Variants in MTUS2 observed in about 807,000 individuals in gnomAD.
MTUS2 encodes the protein microtubule-associated tumor suppressor candidate 2.
A neutral mutation model predicts 114.1 loss-of-function variants in MTUS2; 40 were observed. The observed-to-expected ratio is 0.35, with a 90% confidence interval of 0.27 to 0.46. MTUS2 has a LOEUF of 0.46. Ranked by LOEUF, MTUS2 falls within the 20% of genes least tolerant of loss-of-function variation. The probability of loss-of-function intolerance (pLI) is 1.00; values close to 1 mark genes in which losing one functional copy is unlikely to be tolerated. For synonymous variants in MTUS2, 688 were observed against 672.0 expected (o/e 1.02, Z -0.37); for missense variants, 1,679 against 1,705.4 (o/e 0.98, Z 0.27).
chr13:29,389,341 G>GTATACACGTGTGTATGTATGTATA (rs1566172446), intron 8 of MTUS2, among the ~76,000 whole-genome samples: 1 of 79,988 alleles, frequency 1.3e-5, no homozygotes, highest in Non-Finnish European at 2.3e-5. Context: ...ATATATGTAT[G>GTATACACGTGTGTATGTATGTATA]CACGTGTGTG....
At chr13:28,876,499 C>T (rs1405641293) in intron 2 of MTUS2, among the ~76,000 whole-genome samples, 2 of 152,180 alleles carry the variant, frequency 1.3e-5, no homozygotes, top group African/African-American at 4.8e-5. Context: ...AAGATGGCTG[C>T]AGCAGTTCCA....
At chr13:29,492,034 T>A (rs1408863812) in intron 11 of MTUS2, among the ~76,000 whole-genome samples, 4 of 84,514 alleles carry the variant, frequency 4.7e-5, no homozygotes, top group Non-Finnish European at 1.0e-4. Context: ...GTGTGTGTAG[T>A]GTGTGTGTAT....
Position 29,193,277 on chromosome 13 carries a change from G to T in MTUS2, c.2645-88427G>T, listed in dbSNP as rs1032305679. 3.3e-5 allele frequency among the ~76,000 whole-genome samples: 5 copies of T among 152,042 alleles called. 1 individual carries two copies. In the South Asian group the frequency reaches 1.0e-3, roughly 32 times the overall value. On this transcript the variant is annotated intron_variant, in intron 5 of 15. Coordinates refer to ENST00000612955, the MANE Select transcript of MTUS2 (RefSeq NM_001033602.4). ...GGGAGGACTCGAAAGGGGGAGAGTA[G>T]TAGTAAATATAGAACACACCATTCA... is the stretch of plus-strand genomic sequence containing the variant.
At chr13:29,047,702 A>G (rs1011789875) in intron 4 of MTUS2, among the ~76,000 whole-genome samples, 20 of 152,046 alleles carry the variant, frequency 1.3e-4, no homozygotes, top group Non-Finnish European at 1.9e-4. Flanking sequence ...TTTAGTAGAG[A>G]CGGGATTTCA....
chr13:29,074,931 G>C lies in MTUS2; in HGVS notation c.2447-25842G>C, dbSNP rs1889117066. Among the ~76,000 whole-genome samples, 10 of 152,222 alleles carry C rather than the reference G, an allele frequency of 6.6e-5. No individual in the cohort carries two copies. In the South Asian group the frequency reaches 2.1e-3, roughly 32 times the overall value. On this transcript the variant is annotated intron_variant, in intron 4 of 15. Coordinates refer to ENST00000612955, the MANE Select transcript of MTUS2 (RefSeq NM_001033602.4). ...CAAATATTTTAATCCTATCCACAGA[G>C]TTGTGCAACCATCACTACAGTAATT...
intron 4 of MTUS2, among the ~76,000 whole-genome samples, chr13:29,045,872 G>A (rs1887590663): frequency 6.6e-6 from 1 of 152,068 alleles, no homozygotes; most frequent in Non-Finnish European, 1.5e-5. Context: ...AATCATGGCA[G>A]GAACTATATT....
chr13:29,248,382 T>G (rs1426623844), intron 5 of MTUS2, among the ~76,000 whole-genome samples: 1 of 152,264 alleles, frequency 6.6e-6, no homozygotes, highest in East Asian at 1.9e-4. Flanking sequence ...CCCAAAAACT[T>G]ATTGAAATAT....
intron 2 of MTUS2, among the ~76,000 whole-genome samples, chr13:28,872,879 AT>A (rs1026060440): frequency 7.9e-5 from 12 of 152,188 alleles, no homozygotes; most frequent in Non-Finnish European, 8.8e-5. Context: ...GTTTGATGAG[AT>A]TATGGCTGAG....
Position 29,100,848 on chromosome 13 carries a change from A to T in MTUS2, c.2522A>T (p.Tyr841Phe). The T allele has an allele frequency of 6.4e-7, 1 of 1,552,350 alleles. No homozygotes were observed. The highest frequency in any genetic ancestry group is 8.7e-7 in the Non-Finnish European group (1 of 1,147,382). The change falls in exon 5 of 16, where the codon TAC becomes TTC. Residue 841 changes from tyrosine to phenylalanine, a missense_variant. This residue lies in a region of MTUS2 where 822 missense variants were observed against 899.7 expected (regional missense o/e 0.91). Coordinates refer to ENST00000612955, the MANE Select transcript of MTUS2 (RefSeq NM_001033602.4). ...LPKSGLRPPG[Y>F]SRLPAAKLAA... ...AAATCTGGTCTCCGTCCTCCCGGAT[A>T]CTCACGTCTCCCGGCAGCCAAACTG...
intron 5 of MTUS2, among the ~76,000 whole-genome samples, chr13:29,223,233 A>G (rs755223484): frequency 6.6e-6 from 1 of 152,152 alleles, no homozygotes; most frequent in African/African-American, 2.4e-5. Flanking sequence ...ATGGCCACCC[A>G]TGGACAAATC....
intron 4 of MTUS2, among the ~76,000 whole-genome samples, chr13:29,045,572 G>A (rs556258613): frequency 6.6e-6 from 1 of 152,298 alleles, no homozygotes; most frequent in African/African-American, 2.4e-5. Context: ...GTAGGGTCTT[G>A]CCACCACAGG....
chr13:28,865,816 A>G lies in MTUS2; in HGVS notation c.-243+25966A>G, dbSNP rs572420193. Among the ~76,000 whole-genome samples the G allele has an allele frequency of 8.5e-5, 13 of 152,266 alleles. 1 individual carries two copies. In the South Asian group the frequency reaches 2.7e-3, roughly 32 times the overall value. On this transcript the variant is annotated intron_variant, in intron 2 of 15. Coordinates refer to ENST00000612955, the MANE Select transcript of MTUS2 (RefSeq NM_001033602.4). ...ATGACATTCTGGGTTGACTGGCCAC[A>G]CTAGAGTCTCTTGCAGGCTCAGCTG...
intron 3 of MTUS2, among the ~76,000 whole-genome samples, chr13:29,029,683 T>C (rs757310519): frequency 1.3e-5 from 2 of 152,206 alleles, no homozygotes; most frequent in Non-Finnish European, 2.9e-5. Context: ...CATCTGCCTA[T>C]GGTGAGGCCT....
At chr13:28,954,200 T>C (rs1414868483) in intron 2 of MTUS2, among the ~76,000 whole-genome samples, 1 of 152,216 alleles carries the variant, frequency 6.6e-6, no homozygotes, top group East Asian at 1.9e-4. Flanking sequence ...CATTTGCGAA[T>C]AAATTCCACA....
intron 5 of MTUS2, among the ~76,000 whole-genome samples, chr13:29,117,341 C>T (rs1385507511): frequency 6.6e-6 from 1 of 152,138 alleles, no homozygotes; most frequent in Non-Finnish European, 1.5e-5. Context: ...GTGCTGGACC[C>T]CTGTCATTCT....
At chr13:29,068,320 T>C (rs1432444877) in intron 4 of MTUS2, among the ~76,000 whole-genome samples, 3 of 152,248 alleles carry the variant, frequency 2.0e-5, no homozygotes, top group East Asian at 1.9e-4. Context: ...CTTACTTTCA[T>C]TGCAACTCAG....
chr13:28,964,868 A>G (rs1883509947), intron 2 of MTUS2, among the ~76,000 whole-genome samples: 1 of 151,318 alleles, frequency 6.6e-6, no homozygotes, highest in Non-Finnish European at 1.5e-5. Context: ...TGCGTTCCCG[A>G]GCTCAACTCT....
At chr13:29,077,871 T>C (rs1889265959) in intron 4 of MTUS2, among the ~76,000 whole-genome samples, 1 of 152,194 alleles carries the variant, frequency 6.6e-6, no homozygotes, top group Admixed American at 6.5e-5. Flanking sequence ...TTTTAGTTGA[T>C]TGAGATATTT....
At chr13:29,161,437 TATA>T (rs1310668086) in intron 5 of MTUS2, among the ~76,000 whole-genome samples, 9 of 151,318 alleles carry the variant, frequency 5.9e-5, no homozygotes, top group East Asian at 1.9e-4. Flanking sequence ...CATATATTAT[TATA>T]ATATATAGTA....
Sources: allele counts gnomAD v4.1 joint callset (sites outside exome capture counted in the v4.1 genomes callset), GRCh38; gene constraint gnomAD v4.1.1; regional missense constraint gnomAD v4.1.1; transcripts MANE v1.5; gene names NCBI Gene and HGNC (gene_info 2026-07-23, HGNC 2026-07-21).